Variants in FBXO11 observed in about 807,000 individuals in gnomAD.
FBXO11 encodes F-box only protein 11.
Under a neutral mutation model 117.0 loss-of-function variants are expected in FBXO11, and 13 were observed. The ratio of observed to expected loss-of-function variants is 0.11; its 90% CI spans 0.07 to 0.18. The LOEUF (loss-of-function observed/expected upper bound fraction) is 0.18, where lower values mean the gene tolerates loss of function less well. FBXO11 is among the 10% of genes least tolerant of loss of function. FBXO11 has a pLI of 1.00. For missense variants in FBXO11, 767 were observed against 1,164.4 expected, an observed-to-expected ratio of 0.66 and a Z score of 4.97; for synonymous variants, 490 against 380.5, an observed-to-expected ratio of 1.29 and a Z score of -3.35.
At chr2:47,820,090 T>C (rs1671277257) in intron 14 of FBXO11, among the ~76,000 whole-genome samples, 1 of 152,172 alleles carries the variant, frequency 6.6e-6, no homozygotes, top group Non-Finnish European at 1.5e-5. Flanking sequence ...ATATTGCCAA[T>C]AATAAAGACT....
chr2:47,874,082 C>T (rs751358523), intron 1 of FBXO11, among the ~76,000 whole-genome samples: 5 of 152,002 alleles, frequency 3.3e-5, no homozygotes, highest in African/African-American at 4.8e-5. Flanking sequence ...ACTATGGTGG[C>T]GGGCACCTGT....
At chr2:47,897,448 G>A (rs191522421) in intron 1 of FBXO11, among the ~76,000 whole-genome samples, 3 of 152,304 alleles carry the variant, frequency 2.0e-5, no homozygotes, top group African/African-American at 7.2e-5. Context: ...TGTAATCCCA[G>A]CATTTTGGGA....
intron 1 of FBXO11, among the ~76,000 whole-genome samples, chr2:47,888,371 C>G (rs1441091563): frequency 2.0e-5 from 3 of 152,160 alleles, no homozygotes; most frequent in African/African-American, 7.2e-5. Context: ...TTCAAACATT[C>G]TATAATACCA....
chr2:47,887,907 T>C (rs930366996), intron 1 of FBXO11, among the ~76,000 whole-genome samples: 3 of 152,014 alleles, frequency 2.0e-5, no homozygotes, highest in Non-Finnish European at 2.9e-5. Context: ...TCCTAGCTAC[T>C]GGCGCAGAGG....
chr2:47,846,602 A>C (rs183561834), intron 1 of FBXO11, among the ~76,000 whole-genome samples: 25 of 152,352 alleles, frequency 1.6e-4, no homozygotes, highest in Admixed American at 1.4e-3. Flanking sequence ...TATAATTCAC[A>C]GAAAAATTTA....
chr2:47,860,231 C>G (rs879456803), intron 1 of FBXO11, among the ~76,000 whole-genome samples: 4 of 152,104 alleles, frequency 2.6e-5, no homozygotes, highest in Middle Eastern at 3.2e-3. Context: ...TTAAACTACT[C>G]ATTTTTATCA....
chr2:47,809,537 G>A (rs1285305729), intron 20 of FBXO11, 63 bp downstream of exon 20: 32 of 1,188,164 alleles, frequency 2.7e-5, no homozygotes, highest in Non-Finnish European at 3.7e-5. Flanking sequence ...GTTATAAAAC[G>A]GCTTCTGATT....
intron 1 of FBXO11, among the ~76,000 whole-genome samples, chr2:47,848,917 T>C (rs778195282): frequency 3.9e-5 from 6 of 152,190 alleles, no homozygotes; most frequent in Non-Finnish European, 8.8e-5. Flanking sequence ...TCTACACATT[T>C]TAGGTTATAA....
At chr2:47,820,303 C>T in intron 14 of FBXO11, 59 bp downstream of exon 14, 2 of 1,354,218 alleles carry the variant, frequency 1.5e-6, no homozygotes, top group Non-Finnish European at 1.0e-6. Flanking sequence ...TGAGGAGAAA[C>T]CCTTTATCCC....
chr2:47,903,996 T>G (rs1678530631), intron 1 of FBXO11, among the ~76,000 whole-genome samples: 1 of 152,222 alleles, frequency 6.6e-6, no homozygotes, highest in South Asian at 2.1e-4. Flanking sequence ...AACATCACAT[T>G]CTTTCAAGCA....
rs547652553 is a variant in FBXO11 at position 47,903,367 on chromosome 2, T to C, written c.232+2122A>G. 1.4e-4 allele frequency among the ~76,000 whole-genome samples: 21 copies of C among 152,360 alleles called. No homozygotes were observed. In the South Asian group the frequency reaches 4.3e-3, roughly 32 times the overall value. On this transcript the variant is annotated intron_variant, in intron 1 of 22. Transcript: ENST00000403359. ...CTGCAGAGAAGCAACAATTCTACAG[T>C]AAATTTCATTTACCATTTGGTTGGG...
At chr2:47,856,581 C>T (rs1037128463) in intron 1 of FBXO11, among the ~76,000 whole-genome samples, 1 of 152,102 alleles carries the variant, frequency 6.6e-6, no homozygotes, top group Non-Finnish European at 1.5e-5. Flanking sequence ...AAAAAGAATC[C>T]ATCAAAACAG....
chr2:47,890,263 G>A (rs892520757), intron 1 of FBXO11, among the ~76,000 whole-genome samples: 1 of 151,970 alleles, frequency 6.6e-6, no homozygotes, highest in African/African-American at 2.4e-5. Flanking sequence ...CATGGTGAGT[G>A]GACTAATTTT....
At chr2:47,813,425 ATTTT>A (rs564540671) in intron 17 of FBXO11, 48 bp from the exon 18 acceptor site, 4,511 of 389,180 alleles carry the variant, frequency 0.012, 19 homozygotes, top group African/African-American at 0.053. Context: ...TTTCTTTTTA[ATTTT>A]TTTTTTTTTT....
intron 1 of FBXO11, among the ~76,000 whole-genome samples, chr2:47,884,526 T>G (rs1169448993): frequency 6.6e-6 from 1 of 152,176 alleles, no homozygotes; most frequent in Non-Finnish European, 1.5e-5. Context: ...GGTTGATGCA[T>G]TTTTCCTCTT....
chr2:47,818,997 T>C lies in FBXO11; in HGVS notation c.1879A>G (p.Thr627Ala). The C allele has an allele frequency of 6.2e-7, 1 of 1,613,968 alleles. No homozygotes were observed. The highest frequency in any genetic ancestry group is 8.5e-7 in the Non-Finnish European group (1 of 1,179,982). Residue 627 changes from threonine to alanine, a missense_variant, in exon 15 of 23, where the codon ACT becomes GCT. Transcript: ENST00000403359. The stretch of plus-strand genomic sequence containing the variant: ...ATCCGGTTTCTTCTCAGTACTGGAG[T>C]GCTGCCAGTTGTCACCCAGACTCCA... ...LAGVWVTTGS[T>A]PVLRRNRIHS...
Position 47,887,346 on chromosome 2 carries a change from TC to T in FBXO11, c.232+18142del, listed in dbSNP as rs1188679243. ...CCCTATCTCGAATTTTTTTTTTTTT[TC>T]TTTTCAAAAGAACCAACACAAAAGA... On this transcript the variant is annotated intron_variant, in intron 1 of 22. Transcript: ENST00000403359. Among the ~76,000 whole-genome samples, 9 of 151,730 alleles carry T rather than the reference TC, an allele frequency of 5.9e-5. No individual in the cohort carries two copies. The East Asian group carries it at 1.4e-3, about 23-fold the overall frequency.
chr2:47,837,599 G>T (rs1257778180), intron 4 of FBXO11, among the ~76,000 whole-genome samples: 1 of 152,176 alleles, frequency 6.6e-6, no homozygotes, highest in Non-Finnish European at 1.5e-5. Flanking sequence ...TATAACCGTT[G>T]TAAAACAAAG....
Position 47,906,162 on chromosome 2 carries a change from GAGGA to G in FBXO11, c.-446_-443del, listed in dbSNP as rs1678800232. On this transcript the variant is annotated 5_prime_UTR_variant, in exon 1 of 23. Transcript: ENST00000403359. ...CAGCGGGGGGAGTGGGCGGGCGGGT[GAGGA>G]AGGGAGAAAAAGAGAGGGAGAGAAG... 1 of 193,392 alleles carries G rather than the reference GAGGA, an allele frequency of 5.2e-6. No homozygotes were observed. The highest frequency in any genetic ancestry group is 1.6e-4 in the East Asian group (1 of 6,420). The allele number at this position is 193,392 out of a possible 1,614,324, so 12.0% of individuals were successfully genotyped here. A position where few individuals can be genotyped will look rare whatever the true frequency, so the allele number is the denominator to read the frequency against.
Sources: allele counts gnomAD v4.1 joint callset (sites outside exome capture counted in the v4.1 genomes callset), GRCh38; gene constraint gnomAD v4.1.1; transcripts MANE v1.5; gene names NCBI Gene and HGNC (gene_info 2026-07-23, HGNC 2026-07-21).